Variants in ATP13A2 observed in about 807,000 individuals in gnomAD.
The protein encoded by ATP13A2 is polyamine-transporting ATPase 13A2.
ATP13A2 carries 83 observed loss-of-function variants against 138.3 expected under a neutral mutation model. The observed-to-expected ratio is 0.60, with a 90% CI of 0.50 to 0.72. The LOEUF (loss-of-function observed/expected upper bound fraction) is 0.72. ATP13A2 is among the 30% of genes least tolerant of loss of function. The pLI is 0.00. For synonymous variants in ATP13A2, 663 were observed against 699.0 expected (o/e 0.95, Z 0.81); for missense variants, 1,402 against 1,606.4 (o/e 0.87, Z 2.17).
rs550572912 is a variant in ATP13A2, at chr1:16,995,725, C to T, written c.1542+251G>A. The T allele has an allele frequency of 1.2e-5, 7 of 579,730 alleles. No homozygotes were observed. The highest frequency in any genetic ancestry group is 5.4e-5 in the South Asian group (3 of 55,596). The allele number at this position is 579,730 out of a possible 1,614,324, so 35.9% of individuals were successfully genotyped here. On this transcript the variant is annotated intron_variant, in intron 15 of 28. Coordinates refer to ENST00000326735, the MANE Select transcript of ATP13A2 (RefSeq NM_022089.4). This position sits in a 1 kb window ranked among gnomAD's most constrained non-coding sequence, Gnocchi z 4.1. ...CCTCCCAAAGTGCTGGGATTACAGA[C>T]GTGAGCCACCGCGCCCGGCCCCCCA...
In ATP13A2 at chr1:17,011,683, C is replaced by A; in HGVS notation, c.10+46G>T. 1.3e-6 allele frequency: 2 copies of A among 1,481,700 alleles called. No individual in the cohort carries two copies. Among genetic ancestry groups the A allele is most frequent in the East Asian group, 2.9e-5 (1 of 34,894 alleles). 91.8% of individuals were successfully genotyped at this position (1,481,700 alleles called of 1,614,324 possible). ...CCAAGGGGTGACGACAACTGGCGGGCCGGGGACCGCGCCGGGCTCGGGGCC... is the reference window on the plus strand; with the variant it reads ...CCAAGGGGTGACGACAACTGGCGGGACGGGGACCGCGCCGGGCTCGGGGCC... On this transcript the variant is annotated intron_variant, in intron 1 of 28. Coordinates refer to ENST00000326735, the MANE Select transcript of ATP13A2 (RefSeq NM_022089.4). The surrounding 1 kb of genome is among the most constrained non-coding windows in gnomAD (Gnocchi z 7.3).
chr1:16,992,676 A>G, intron 16 of ATP13A2, 95 bp from the exon 17 acceptor site: 1 of 1,309,334 alleles, frequency 7.6e-7, no homozygotes, highest in South Asian at 1.2e-5. Flanking sequence ...TGGGAGACTG[A>G]ATGGTGGGTT....
intron 20 of ATP13A2, 150 bp from the exon 21 acceptor site, chr1:16,990,437 T>A: frequency 2.0e-6 from 2 of 994,362 alleles, no homozygotes; most frequent in Non-Finnish European, 3.0e-6. Flanking sequence ...TCCCTTTGCC[T>A]CAGTTTTCTC....
intron 25 of ATP13A2, among the ~76,000 whole-genome samples, chr1:16,987,865 C>A (rs561016938): frequency 2.0e-5 from 3 of 152,310 alleles, no homozygotes; most frequent in Non-Finnish European, 2.9e-5. Flanking sequence ...GTCTTCCCTG[C>A]AGATTGGGGA....
In ATP13A2 at chr1:16,986,235, C is replaced by T. The variant is rs547860186; in HGVS notation, c.3529G>A (p.Gly1177Ser). ...GTGGGCCTGCACTACCTCAGGGGGCCGGCGGGCAGCGGCGGCCAGGGCTGC... is the reference window on the plus strand; with the variant it reads ...GTGGGCCTGCACTACCTCAGGGGGCTGGCGGGCAGCGGCGGCCAGGGCTGC... Reference protein sequence around the residue: ...AEQPWPPLPAGPLR With the variant: ...AEQPWPPLPASPLR The change falls in exon 29 of 29, where the codon GGC (glycine) becomes AGC (serine). Residue 1177 changes from glycine (G) to serine (S), a missense_variant. Physicochemically the swap from Gly to Ser is moderately conservative, Grantham distance 56 (BLOSUM62 0). Transcript: ENST00000326735. This position sits in a 1 kb window ranked among gnomAD's most constrained non-coding sequence, Gnocchi z 6.9. 491 of 1,610,396 alleles carry T rather than the reference C, an allele frequency of 3.0e-4. 5 individuals carry two copies. In the South Asian group the frequency reaches 5.0e-3, roughly 16 times the overall value.
In ATP13A2 at chr1:16,992,355, A is replaced by G; in HGVS notation, c.1893T>C (p.Ser631=). 1 of 1,613,378 alleles carries G rather than the reference A, an allele frequency of 6.2e-7. No homozygotes were observed. The change falls in exon 18 of 29, where the codon TCT becomes TCC. Residue 631 remains serine, a synonymous_variant. Coordinates refer to ENST00000326735, the MANE Select transcript of ATP13A2 (RefSeq NM_022089.4). ...CCACACTCATGCGCTGCAGAGCCGA[A>G]GAGAAGGGGAAGCGGTGGAGGACGC... ...PVSVLHRFPF[S]SALQRMSVVV...
Position 16,995,953 on chromosome 1 carries a change from A to G in ATP13A2, c.1542+23T>C. 6.2e-7 allele frequency: 1 copy of G among 1,613,474 alleles called. No individual in the cohort carries two copies. The highest frequency in any genetic ancestry group is 1.3e-5 in the African/African-American group (1 of 75,050). ...GCCTGTGGCTGTCCCGCTCCCCTGC[A>G]CCAACCCCACCTGCGGCCCCACCTT... On this transcript the variant is annotated intron_variant, in intron 15 of 28. Coordinates refer to ENST00000326735, the MANE Select transcript of ATP13A2 (RefSeq NM_022089.4). This position sits in a 1 kb window ranked among gnomAD's most constrained non-coding sequence, Gnocchi z 4.1.
chr1:17,006,590 T>C (rs979539150), intron 1 of ATP13A2, among the ~76,000 whole-genome samples: 2 of 152,110 alleles, frequency 1.3e-5, no homozygotes, highest in Admixed American at 6.6e-5. Flanking sequence ...GTCTTTCTGC[T>C]GGGTATGGCC....
In ATP13A2 at chr1:17,004,926, C is replaced by T; in HGVS notation, c.347+88G>A. On this transcript the variant is annotated intron_variant, in intron 4 of 28. Coordinates refer to ENST00000326735, the MANE Select transcript of ATP13A2 (RefSeq NM_022089.4). The surrounding 1 kb of genome is among the most constrained non-coding windows in gnomAD (Gnocchi z 4.1). ...TCCCTAGGATGGGAGGCGCCAGAGTCAGCCTTTATGGGGGGGCCGAGGGTT... is the reference window on the plus strand; with the variant it reads ...TCCCTAGGATGGGAGGCGCCAGAGTTAGCCTTTATGGGGGGGCCGAGGGTT... 6.2e-7 allele frequency: 1 copy of T among 1,612,024 alleles called. No individual in the cohort carries two copies. The highest frequency in any genetic ancestry group is 8.5e-7 in the Non-Finnish European group (1 of 1,179,348).
Position 16,991,796 on chromosome 1 carries a change from G to A in ATP13A2, c.2189C>T (p.Pro730Leu), listed in dbSNP as rs142720276. The change falls in exon 20 of 29, where the codon CCG (proline) becomes CTG (leucine). Residue 730 changes from proline (P) to leucine (L), a missense_variant. Pro to Leu is a moderately conservative substitution (Grantham distance 98). Coordinates refer to ENST00000326735, the MANE Select transcript of ATP13A2 (RefSeq NM_022089.4). ...AGCCTGGATAACTGGCGTTGTCTGC[G>A]GCTTCAGTAGGTTCCTCATGACCAG... ...GLLVMRNLLK[P>L]QTTPVIQALR... The A allele has an allele frequency of 1.3e-5, 21 of 1,614,034 alleles. No individual in the cohort carries two copies. The highest frequency in any genetic ancestry group is 1.6e-4 in the Middle Eastern group (1 of 6,084).
Position 17,004,471 on chromosome 1 carries a change from C to T in ATP13A2, c.478-60G>A. The T allele has an allele frequency of 6.3e-7, 1 of 1,594,866 alleles. No individual in the cohort carries two copies. The highest frequency in any genetic ancestry group is 1.7e-5 in the Admixed American group (1 of 58,694). Reference sequence around the variant, plus strand: ...TGGCCCCGGCCCCAGAAGCAGTGTGCTTATGCTGGGAGCCGAGGGATGGGG... The same window carrying T: ...TGGCCCCGGCCCCAGAAGCAGTGTGTTTATGCTGGGAGCCGAGGGATGGGG... On this transcript the variant is annotated intron_variant, in intron 5 of 28. Transcript: ENST00000326735. The surrounding 1 kb of genome is among the most constrained non-coding windows in gnomAD (Gnocchi z 4.1).
chr1:16,997,795 C>T (rs1284697612), intron 11 of ATP13A2, among the ~76,000 whole-genome samples: 2 of 143,388 alleles, frequency 1.4e-5, no homozygotes, highest in Non-Finnish European at 1.5e-5. Flanking sequence ...GAGCCGAGAT[C>T]GTGCCACTGC....
Position 17,004,618 on chromosome 1 carries a change from G to A in ATP13A2, c.477+74C>T. The A allele has an allele frequency of 6.2e-7, 1 of 1,613,282 alleles. No individual in the cohort carries two copies. The highest frequency in any genetic ancestry group is 1.1e-5 in the South Asian group (1 of 91,058). On this transcript the variant is annotated intron_variant, in intron 5 of 28. Coordinates refer to ENST00000326735, the MANE Select transcript of ATP13A2 (RefSeq NM_022089.4). The surrounding 1 kb of genome is among the most constrained non-coding windows in gnomAD (Gnocchi z 4.1). ...GAACTAAAAGGTGGTGGGAGAACATGAAGTCTGACTCTCCCATTGCACAGA... is the reference window on the plus strand; with the variant it reads ...GAACTAAAAGGTGGTGGGAGAACATAAAGTCTGACTCTCCCATTGCACAGA...
chr1:17,008,033 T>C (rs899257230), intron 1 of ATP13A2, among the ~76,000 whole-genome samples: 10 of 151,928 alleles, frequency 6.6e-5, no homozygotes, highest in African/African-American at 2.2e-4. Context: ...TCGGTTGTGA[T>C]GTCCTTTCAT....
chr1:17,005,369 C>T lies in ATP13A2; in HGVS notation c.288+5G>A. On this transcript the variant is annotated splice_donor_5th_base_variant and intron_variant, in intron 3 of 28. Coordinates refer to ENST00000326735, the MANE Select transcript of ATP13A2 (RefSeq NM_022089.4). ...CTCTAGCCCCAGGCTCAGCCTGACT[C>T]TCACCTCTTTGTCTCTTATTTCGAT... The T allele has an allele frequency of 1.3e-6, 2 of 1,592,986 alleles. No individual in the cohort carries two copies. The highest frequency in any genetic ancestry group is 1.7e-6 in the Non-Finnish European group (2 of 1,169,360).
chr1:17,008,651 C>T (rs996453697), intron 1 of ATP13A2, among the ~76,000 whole-genome samples: 7 of 152,054 alleles, frequency 4.6e-5, no homozygotes, highest in Non-Finnish European at 1.0e-4. Context: ...GCTCCTTGTA[C>T]CTTAAAACCC....
At chr1:16,997,895 G>A (rs2077202263) in intron 11 of ATP13A2, among the ~76,000 whole-genome samples, 1 of 150,012 alleles carries the variant, frequency 6.7e-6, no homozygotes, top group Non-Finnish European at 1.5e-5. Flanking sequence ...GGAAGGAGGA[G>A]GGGGAGGGGA....
chr1:16,993,577 C>T (rs545054398), intron 16 of ATP13A2, 52 bp downstream of exon 16: 6 of 1,509,270 alleles, frequency 4.0e-6, no homozygotes, highest in East Asian at 2.4e-5. Context: ...GGGTGGGATT[C>T]GTTAGGCCCC....
chr1:17,000,112 A>C lies in ATP13A2; in HGVS notation c.938T>G (p.Val313Gly). The change falls in exon 11 of 29, where the codon GTG (valine) becomes GGG (glycine). Residue 313 changes from valine (V) to glycine (G), a missense_variant. Transcript: ENST00000326735. Reference protein sequence around the residue: ...EEEWVDSSELVPGDCLVLPQE... With the variant: ...EEEWVDSSELGPGDCLVLPQE... ...GGGCAGCACCAGGCAGTCTCCGGGC[A>C]CTAGCTCACTGGAGTCCACCCACTC... is the stretch of plus-strand genomic sequence containing the variant. The C allele has an allele frequency of 6.2e-7, 1 of 1,613,422 alleles. No homozygotes were observed. Among genetic ancestry groups the C allele is most frequent in the South Asian group, 1.1e-5 (1 of 91,056 alleles).
Sources: gnomAD v4.1 joint callset for allele counts (sites outside exome capture counted in the v4.1 genomes callset) on GRCh38, gnomAD v4.1.1 for gene constraint, Gnocchi (gnomAD v3.1) non-coding constraint, MANE v1.5 for transcripts, NCBI Gene and HGNC (gene_info 2026-07-23, HGNC 2026-07-21) for gene names.